Variants in AEBP2 observed in about 807,000 individuals in gnomAD.
The protein encoded by AEBP2 is AE binding protein 2, also known as zinc finger protein AEBP2.
A neutral mutation model predicts 50.8 loss-of-function variants in AEBP2; 10 were observed. That is an observed-to-expected ratio of 0.20 (90% CI 0.12 to 0.33). The LOEUF (loss-of-function observed/expected upper bound fraction) is 0.33. AEBP2 is among the 10% of genes least tolerant of loss of function. The pLI is 1.00. For synonymous variants in AEBP2, 296 were observed against 261.3 expected (o/e 1.13, Z -1.28); for missense variants, 570 against 688.0 (o/e 0.83, Z 1.92).
intron 5 of AEBP2, among the ~76,000 whole-genome samples, chr12:19,502,470 T>G (rs1949096015): frequency 6.6e-6 from 1 of 152,068 alleles, no homozygotes; most frequent in Non-Finnish European, 1.5e-5. Flanking sequence ...GAGAGCTCAG[T>G]AGAGGTCCAG....
chr12:19,506,595 A>G (rs549213376), intron 5 of AEBP2, among the ~76,000 whole-genome samples: 1 of 152,292 alleles, frequency 6.6e-6, no homozygotes, highest in South Asian at 2.1e-4. Context: ...GCTTTGTAGT[A>G]CATTCCTACC....
intron 1 of AEBP2, among the ~76,000 whole-genome samples, chr12:19,443,397 A>G (rs888670496): frequency 3.4e-5 from 5 of 148,528 alleles, no homozygotes; most frequent in East Asian, 2.2e-4. Context: ...ACCGCAGGCC[A>G]TGTTAAATAT....
chr12:19,479,444 A>G lies in AEBP2; in HGVS notation c.987+6089A>G, dbSNP rs535894050. Among the ~76,000 whole-genome samples, 502 of 152,294 alleles carry G rather than the reference A, an allele frequency of 3.3e-3. 4 individuals carry two copies. Among genetic ancestry groups the G allele is most frequent in the Non-Finnish European group, 5.3e-3 (363 of 68,026 alleles). On this transcript the variant is annotated intron_variant, in intron 3 of 7. Coordinates refer to ENST00000266508, the MANE Select transcript of AEBP2 (RefSeq NM_153207.5). ...TAGATATCCAAATACAAGAAGCTCA[A>G]AGAACAGCTGAGAAATTCATCACAA...
rs964385221 is a variant in AEBP2, at chr12:19,439,625, G to T, written c.-75G>T. On this transcript the variant is annotated 5_prime_UTR_variant, in exon 1 of 8. Transcript: ENST00000266508. ...CGGCGGAGTTTTGGGCGTTTGGGAG[G>T]GGGGCGAGGGAGAGAGAGTCGAGAG... 1.5e-4 allele frequency: 218 copies of T among 1,478,884 alleles called. 2 individuals are homozygous for T. The East Asian group carries it at 5.3e-3, about 36-fold the overall frequency. 91.6% of individuals were successfully genotyped at this position (1,478,884 alleles called of 1,614,324 possible). A position where few individuals can be genotyped will look rare whatever the true frequency, so the allele number is the denominator to read the frequency against.
chr12:19,494,248 T>A (rs975900239), intron 4 of AEBP2, among the ~76,000 whole-genome samples: 1 of 152,158 alleles, frequency 6.6e-6, no homozygotes, highest in African/African-American at 2.4e-5. Context: ...ATTTAAAATA[T>A]AGTAACATTG....
intron 1 of AEBP2, among the ~76,000 whole-genome samples, chr12:19,412,866 G>C (rs2095740093): frequency 6.6e-6 from 1 of 152,206 alleles, no homozygotes; most frequent in Admixed American, 6.5e-5. Context: ...GGAGGCTCTG[G>C]GTGCCTCCCC....
At position 19,412,491 on chromosome 12, in the gene AEBP2, G is replaced by A. The variant is rs1264925566; in HGVS notation, c.-17+8275G>A. Among the ~76,000 whole-genome samples the A allele has an allele frequency of 3.9e-5, 6 of 152,054 alleles. 1 individual carries two copies. The highest frequency in any genetic ancestry group is 1.2e-4 in the African/African-American group (5 of 41,414). Reference sequence around the variant, plus strand: ...GAAGGGGTTTCACCATGTTGGCCAGGATGGTCTCGATGTCTTGACCTCTTG... The same window carrying A: ...GAAGGGGTTTCACCATGTTGGCCAGAATGGTCTCGATGTCTTGACCTCTTG... On this transcript the variant is annotated intron_variant, in intron 1 of 3. Coordinates refer to the AEBP2 transcript ENST00000538425.
At chr12:19,407,775 G>C (rs573603619) in intron 1 of AEBP2, among the ~76,000 whole-genome samples, 1 of 152,188 alleles carries the variant, frequency 6.6e-6, no homozygotes, top group Non-Finnish European at 1.5e-5. Flanking sequence ...ATGGCTGGAC[G>C]TGGTGGCTTA....
chr12:19,461,330 A>G (rs1013735475), intron 1 of AEBP2, among the ~76,000 whole-genome samples: 6 of 152,148 alleles, frequency 3.9e-5, no homozygotes, highest in African/African-American at 1.4e-4. Context: ...TTGCTTTTAA[A>G]ATGAAGGCGG....
At chr12:19,436,597 T>TTTGG (rs199754436), upstream of AEBP2, among the ~76,000 whole-genome samples, 4 of 146,026 alleles carry the variant, frequency 2.7e-5, 1 homozygote, top group African/African-American at 5.1e-5. Flanking sequence ...CTTTTTTTTT[T>TTTGG]GGGGGGGGGA....
At chr12:19,492,933 G>A (rs1367560667) in intron 3 of AEBP2, among the ~76,000 whole-genome samples, 1 of 151,990 alleles carries the variant, frequency 6.6e-6, no homozygotes, top group Non-Finnish European at 1.5e-5. Context: ...CCGAGATCAT[G>A]CCACTGCACT....
intron 1 of AEBP2, among the ~76,000 whole-genome samples, chr12:19,426,794 A>G (rs2095748765): frequency 6.6e-6 from 1 of 151,974 alleles, no homozygotes; most frequent in African/African-American, 2.4e-5. Context: ...CCAGCTACTC[A>G]GGAGGCTGAG....
rs76662411 is a variant in AEBP2 at position 19,420,922 on chromosome 12, G to A, written c.-17+16706G>A. 1.4e-3 allele frequency among the ~76,000 whole-genome samples: 207 copies of A among 152,250 alleles called. 2 individuals are homozygous for A. Among genetic ancestry groups the A allele is most frequent in the African/African-American group, 4.6e-3 (192 of 41,554 alleles). On this transcript the variant is annotated intron_variant, in intron 1 of 3. Coordinates refer to the AEBP2 transcript ENST00000538425. ...ACAGCCAATCCTAGTAAATTTTGGC[G>A]TAAGTCCCAGGCCCAACCTGGGATG...
intron 1 of AEBP2, among the ~76,000 whole-genome samples, chr12:19,412,775 C>T (rs190003308): frequency 2.0e-4 from 31 of 152,190 alleles, no homozygotes; most frequent in African/African-American, 7.0e-4. Context: ...TCTTGGATTT[C>T]GTGCAAGAAA....
chr12:19,420,479 G>A (rs1592705754), intron 1 of AEBP2, among the ~76,000 whole-genome samples: 1 of 151,160 alleles, frequency 6.6e-6, no homozygotes, highest in East Asian at 2.0e-4. Flanking sequence ...GATTACAGGT[G>A]TGCACCACCA....
At chr12:19,430,691 A>T (rs1221464461) in intron 1 of AEBP2, among the ~76,000 whole-genome samples, 1 of 152,112 alleles carries the variant, frequency 6.6e-6, no homozygotes, top group Non-Finnish European at 1.5e-5. Flanking sequence ...GAGGTCCTTC[A>T]CATCCCTTGT....
chr12:19,432,761 TAGC>T, intron 1 of AEBP2, among the ~76,000 whole-genome samples: 1 of 151,966 alleles, frequency 6.6e-6, no homozygotes, highest in South Asian at 2.1e-4. Context: ...GTACCTAGAA[TAGC>T]AGAGCAGAGG....
rs61172173 is a variant in AEBP2, at chr12:19,515,152, A to ATT, written c.1481+375_1481+376dup. Among the ~76,000 whole-genome samples, 14 of 151,846 alleles carry ATT rather than the reference A, an allele frequency of 9.2e-5. No homozygotes were observed. The East Asian group carries it at 1.5e-3, about 17-fold the overall frequency. On this transcript the variant is annotated intron_variant, in intron 7 of 7. Coordinates refer to ENST00000266508, the MANE Select transcript of AEBP2 (RefSeq NM_153207.5). ...TGAGTCTGAATACCAAAACTGTTTG[A>ATT]TTTTTTTTAGCTTACCCTTTCTCCA...
intron 5 of AEBP2, among the ~76,000 whole-genome samples, chr12:19,508,177 A>G (rs141856156): frequency 6.6e-6 from 1 of 152,286 alleles, no homozygotes; most frequent in East Asian, 1.9e-4. Flanking sequence ...CTAGAATCAG[A>G]GTATTTATTT....
Sources: gnomAD v4.1 joint callset for allele counts (sites outside exome capture counted in the v4.1 genomes callset) on GRCh38, gnomAD v4.1.1 for gene constraint, MANE v1.5 for transcripts, NCBI Gene and HGNC (gene_info 2026-07-23, HGNC 2026-07-21) for gene names.